Variants in CPT1A observed in about 807,000 individuals in gnomAD.
CPT1A encodes the protein carnitine palmitoyltransferase 1A.
Under a neutral mutation model 100.8 loss-of-function variants are expected in CPT1A, and 64 were observed. The observed-to-expected ratio is 0.63, with a 90% CI of 0.52 to 0.78. The LOEUF is 0.78. Among genes scored for constraint, CPT1A ranks in the 30% least tolerant of loss-of-function variants. The pLI, the probability that CPT1A is intolerant of heterozygous loss-of-function variation, is 0.00. For missense variants in CPT1A, 802 were observed against 1,034.1 expected (o/e 0.78, Z 3.08); for synonymous variants, 363 against 396.0 (o/e 0.92, Z 0.99).
At chr11:68,798,240 A>G (rs1855807549) in intron 6 of CPT1A, among the ~76,000 whole-genome samples, 1 of 152,246 alleles carries the variant, frequency 6.6e-6, no homozygotes, top group African/African-American at 2.4e-5. Context: ...GTGCTGAAAC[A>G]CACGTACCTA....
chr11:68,792,879 T>C (rs543717292), intron 9 of CPT1A, among the ~76,000 whole-genome samples: 2 of 152,002 alleles, frequency 1.3e-5, no homozygotes, highest in Non-Finnish European at 2.9e-5. Flanking sequence ...CAAAACCTCA[T>C]CTCTATAAAA....
rs1193442541 is a variant in CPT1A, at chr11:68,799,292, G to C, written c.619C>G (p.Gln207Glu). Residue 207 changes from glutamine to glutamate, a missense_variant, in exon 6 of 19, where the codon CAA becomes GAA. By Grantham distance (29) the Gln-to-Glu change is conservative. This residue lies in a region of CPT1A where 627 missense variants were observed against 799.3 expected (regional missense o/e 0.78). Coordinates refer to ENST00000265641, the MANE Select transcript of CPT1A (RefSeq NM_001876.4). ...EDFKRMTALA[Q>E]DFAVGLGPRL... Reference sequence around the variant, plus strand: ...GGTCCAAGACCGACAGCAAAATCTTGAGCAAGTGCTGTCATCCGTTTGAAG... The same window carrying C: ...GGTCCAAGACCGACAGCAAAATCTTCAGCAAGTGCTGTCATCCGTTTGAAG... 6.2e-7 allele frequency: 1 copy of C among 1,613,980 alleles called. No individual in the cohort carries two copies. The highest frequency in any genetic ancestry group is 8.5e-7 in the Non-Finnish European group (1 of 1,179,906).
chr11:68,773,915 T>C (rs890989059), intron 13 of CPT1A: 1 of 235,942 alleles, frequency 4.2e-6, no homozygotes, highest in African/African-American at 2.3e-5. Context: ...CCTCCAGCAG[T>C]GCTAGACAGG....
chr11:68,797,254 A>G (rs1444776561), intron 6 of CPT1A, among the ~76,000 whole-genome samples: 1 of 152,246 alleles, frequency 6.6e-6, no homozygotes, highest in African/African-American at 2.4e-5. Flanking sequence ...AGGCTAGGCA[A>G]CATAGCAAGG....
At chr11:68,839,449 G>A (rs947201586) in intron 1 of CPT1A, 55 of 943,852 alleles carry the variant, frequency 5.8e-5, no homozygotes, top group Non-Finnish European at 6.2e-5. Context: ...CGTCCCAGGC[G>A]CTCGGATCCT....
At chr11:68,828,085 TG>T (rs1856779063) in intron 1 of CPT1A, among the ~76,000 whole-genome samples, 1 of 152,204 alleles carries the variant, frequency 6.6e-6, no homozygotes, top group South Asian at 2.1e-4. Flanking sequence ...CCCTGGCCTC[TG>T]GGGCAGACTT....
intron 9 of CPT1A, among the ~76,000 whole-genome samples, chr11:68,792,155 G>A (rs1376084177): frequency 3.9e-5 from 6 of 151,918 alleles, no homozygotes; most frequent in African/African-American, 1.2e-4. Context: ...GGCTAACACG[G>A]TGAAACTCCG....
intron 14 of CPT1A, 120 bp downstream of exon 14, chr11:68,773,145 G>A: frequency 6.5e-6 from 10 of 1,533,050 alleles, no homozygotes; most frequent in Non-Finnish European, 8.8e-6. Flanking sequence ...GGGGTCGGGG[G>A]GAGCTGTGCT....
chr11:68,784,903 T>C lies in CPT1A; in HGVS notation c.1075A>G (p.Met359Val). The change falls in exon 10 of 19, where the codon ATG (methionine) becomes GTG (valine). Residue 359 changes from methionine (M) to valine (V), a missense_variant. Transcript: ENST00000265641. ...HDGRLLKPRE[M>V]EQQMQRILDN... The stretch of plus-strand genomic sequence containing the variant: ...AGGATCCTCTGCATCTGCTGCTCCA[T>C]CTCCCGGGGCTTCAGCAGCCGCCCA... 6.2e-7 allele frequency: 1 copy of C among 1,614,040 alleles called. No homozygotes were observed. Among genetic ancestry groups the C allele is most frequent in the Middle Eastern group, 1.6e-4 (1 of 6,062 alleles).
At chr11:68,806,633 G>GA (rs775579381) in intron 4 of CPT1A, among the ~76,000 whole-genome samples, 202 of 92,472 alleles carry the variant, frequency 2.2e-3, no homozygotes, top group East Asian at 8.7e-3. Context: ...GTCTCAAAAA[G>GA]AAAAAAAAAA....
At position 68,780,763 on chromosome 11, in the gene CPT1A, G is replaced by A; in HGVS notation, c.1353-18C>T. The A allele has an allele frequency of 4.4e-6, 7 of 1,605,142 alleles. No individual in the cohort carries two copies. ...CAAACCACCTACGTGAAACACACATGTGTGGAACTTAAGTGTTTAAAGAGG... is the reference window on the plus strand; with the variant it reads ...CAAACCACCTACGTGAAACACACATATGTGGAACTTAAGTGTTTAAAGAGG... On this transcript the variant is annotated intron_variant, in intron 11 of 18. Transcript: ENST00000265641.
chr11:68,796,911 T>G lies in CPT1A; in HGVS notation c.716A>C (p.Tyr239Ser). 1 of 1,614,074 alleles carries G rather than the reference T, an allele frequency of 6.2e-7. No homozygotes were observed. Among genetic ancestry groups the G allele is most frequent in the Non-Finnish European group, 8.5e-7 (1 of 1,179,984 alleles). Residue 239 changes from tyrosine (Y) to serine (S), a missense_variant, in exon 7 of 19, where the codon TAC (tyrosine) becomes TCC (serine). Physicochemically the swap from Tyr to Ser is moderately radical, Grantham distance 144. Around this residue, in one of 4 missense-constraint regions of CPT1A, gnomAD observed 627 missense variants for 799.3 expected, o/e 0.78. Transcript: ENST00000265641. ...TNYVSDWWEEYIYLRGRGPLM... is the reference protein window; with the variant it reads ...TNYVSDWWEESIYLRGRGPLM... Reference sequence around the variant, plus strand: ...CGGCCCTCGTCCTCGGAGGTAGATGTACTCCTCCCACCAGTCGCTCACCTA... The same window carrying G: ...CGGCCCTCGTCCTCGGAGGTAGATGGACTCCTCCCACCAGTCGCTCACCTA...
chr11:68,842,124 TA>T (rs1175225102), upstream of CPT1A, among the ~76,000 whole-genome samples: 1 of 152,120 alleles, frequency 6.6e-6, no homozygotes, highest in Non-Finnish European at 1.5e-5. Flanking sequence ...TCCTCATCCG[TA>T]AAACGAGCCA....
Position 68,835,514 on chromosome 11 carries a change from A to G in CPT1A, c.-14+6261T>C, listed in dbSNP as rs542311915. 2.6e-5 allele frequency among the ~76,000 whole-genome samples: 4 copies of G among 152,378 alleles called. No homozygotes were observed. The East Asian group carries it at 7.7e-4, about 29-fold the overall frequency. ...ATTGGTGTCCCTAAATGCCGCCTGC[A>G]GCCAGGACATTGTTTGCTAGAGCCT... On this transcript the variant is annotated intron_variant, in intron 1 of 18. Transcript: ENST00000265641.
chr11:68,777,407 G>A (rs568222416), intron 12 of CPT1A, among the ~76,000 whole-genome samples: 1 of 152,292 alleles, frequency 6.6e-6, no homozygotes, highest in African/African-American at 2.4e-5. Flanking sequence ...TCCAGCCTGG[G>A]TGGCAGAGCA....
At chr11:68,773,837 T>A (rs773338208) in intron 13 of CPT1A, 1 of 307,448 alleles carries the variant, frequency 3.3e-6, no homozygotes, top group Admixed American at 4.6e-5. Flanking sequence ...ATCTCAAGCG[T>A]TGGGCGAGTG....
intron 14 of CPT1A, 142 bp downstream of exon 14, chr11:68,773,123 C>A: frequency 6.8e-7 from 1 of 1,471,882 alleles, no homozygotes; most frequent in South Asian, 1.3e-5. Context: ...CGCCACCCGG[C>A]CCCCGGAGAC....
At chr11:68,811,341 C>T (rs568599636) in intron 3 of CPT1A, among the ~76,000 whole-genome samples, 57 of 152,274 alleles carry the variant, frequency 3.7e-4, no homozygotes, top group African/African-American at 1.3e-3. Context: ...GCACAGAAAT[C>T]GAATCAAACG....
chr11:68,802,372 T>C (rs1386622554), intron 5 of CPT1A, among the ~76,000 whole-genome samples: 4 of 150,346 alleles, frequency 2.7e-5, no homozygotes, highest in Admixed American at 2.0e-4. Context: ...AGCAGGTAGA[T>C]CACTTGAGCT....
Sources: gnomAD v4.1 joint callset for allele counts (sites outside exome capture counted in the v4.1 genomes callset) on GRCh38, gnomAD v4.1.1 for gene constraint, gnomAD v4.1.1 regional missense constraint, MANE v1.5 for transcripts, NCBI Gene and HGNC (gene_info 2026-07-23, HGNC 2026-07-21) for gene names.